ULK4: variants seen among roughly 807,000 people sequenced by gnomAD.
The protein encoded by ULK4 is inactive serine/threonine-protein kinase ULK4.
In ULK4, 133 loss-of-function variants were observed where a neutral mutation model predicts 160.6. The ratio of observed to expected loss-of-function variants is 0.83; its 90% CI spans 0.72 to 0.96. The LOEUF (loss-of-function observed/expected upper bound fraction) is 0.96, where lower values mean the gene tolerates loss of function less well. Ranked by LOEUF, ULK4 falls within the 40% of genes least tolerant of loss-of-function variation. The pLI is 0.00. For missense variants in ULK4, 1,580 were observed against 1,499.5 expected, an observed-to-expected ratio of 1.05 and a Z score of -0.89; for synonymous variants, 534 against 539.8, an observed-to-expected ratio of 0.99 and a Z score of 0.15.
At chr3:41,818,804 A>G (rs2041049698) in intron 19 of ULK4, among the ~76,000 whole-genome samples, 1 of 152,228 alleles carries the variant, frequency 6.6e-6, no homozygotes. Flanking sequence ...GATTTAACGC[A>G]AATGGAAAAT....
At chr3:41,323,371 C>A (rs2080281468) in intron 35 of ULK4, among the ~76,000 whole-genome samples, 1 of 146,136 alleles carries the variant, frequency 6.8e-6, no homozygotes, top group African/African-American at 2.6e-5. Flanking sequence ...AAATTAAATC[C>A]CGACCCCTTC....
intron 35 of ULK4, among the ~76,000 whole-genome samples, chr3:41,283,662 G>T (rs1209172578): frequency 1.3e-5 from 2 of 152,162 alleles, no homozygotes; most frequent in Non-Finnish European, 2.9e-5. Context: ...GGGGCTGGGG[G>T]AGGGATAGCA....
chr3:41,961,531 G>A (rs942507404), intron 1 of ULK4, among the ~76,000 whole-genome samples: 11 of 145,480 alleles, frequency 7.6e-5, no homozygotes, highest in East Asian at 4.0e-4. Flanking sequence ...ACAGACTCAG[G>A]GGCGCTACGT....
At chr3:41,598,577 GA>G (rs1038025483) in intron 31 of ULK4, among the ~76,000 whole-genome samples, 1 of 152,050 alleles carries the variant, frequency 6.6e-6, no homozygotes, top group African/African-American at 2.4e-5. Context: ...AACAGCATTA[GA>G]AAAAAATATC....
At position 41,822,328 on chromosome 3, in the gene ULK4, A is replaced by C. The variant is rs528113562; in HGVS notation, c.1765-2822T>G. On this transcript the variant is annotated intron_variant, in intron 18 of 36. Transcript: ENST00000301831. ...TTCTTAATAACGGCCGTAATCCATAATGAGGCAAATACATTTTCTTCCTTA... is the reference window on the plus strand; with the variant it reads ...TTCTTAATAACGGCCGTAATCCATACTGAGGCAAATACATTTTCTTCCTTA... Among the ~76,000 whole-genome samples the C allele has an allele frequency of 3.9e-5, 6 of 152,306 alleles. No homozygotes were observed. The South Asian group carries it at 1.2e-3, about 32-fold the overall frequency.
chr3:41,954,539 C>A (rs2148845881), intron 2 of ULK4, 83 bp downstream of exon 2: 1 of 1,479,616 alleles, frequency 6.8e-7, no homozygotes, highest in Non-Finnish European at 9.1e-7. Flanking sequence ...ATATCAAATT[C>A]AATGACTACT....
intron 15 of ULK4, 130 bp downstream of exon 15, chr3:41,896,691 AT>A: frequency 9.6e-7 from 1 of 1,041,570 alleles, no homozygotes; most frequent in Non-Finnish European, 1.3e-6. Context: ...GCAGAGGATA[AT>A]TTTCATAAAC....
intron 17 of ULK4, among the ~76,000 whole-genome samples, chr3:41,836,530 C>T (rs1373464002): frequency 6.6e-6 from 1 of 152,106 alleles, no homozygotes; most frequent in Non-Finnish European, 1.5e-5. Context: ...CAATTAATTG[C>T]TGCCCTATCT....
chr3:41,709,531 C>T (rs759536937), intron 25 of ULK4, among the ~76,000 whole-genome samples: 4 of 151,974 alleles, frequency 2.6e-5, no homozygotes, highest in Non-Finnish European at 4.4e-5. Flanking sequence ...GGACTACAGG[C>T]GCGCGCCACC....
At chr3:41,920,579 AC>A (rs1051322876) in intron 5 of ULK4, among the ~76,000 whole-genome samples, 9 of 152,154 alleles carry the variant, frequency 5.9e-5, no homozygotes, top group African/African-American at 2.2e-4. Flanking sequence ...GTTGCAGAGC[AC>A]CTGCCAAGAC....
At chr3:41,538,034 G>A (rs977825275) in intron 32 of ULK4, among the ~76,000 whole-genome samples, 3 of 151,666 alleles carry the variant, frequency 2.0e-5, no homozygotes, top group South Asian at 2.1e-4. Flanking sequence ...CTCATCTGCC[G>A]CCTCTTGGTC....
At chr3:41,369,002 G>A (rs1251850721) in intron 35 of ULK4, among the ~76,000 whole-genome samples, 3 of 152,018 alleles carry the variant, frequency 2.0e-5, no homozygotes, top group Non-Finnish European at 1.5e-5. Flanking sequence ...CTTAAAATCT[G>A]CCTAATACCT....
intron 32 of ULK4, among the ~76,000 whole-genome samples, chr3:41,519,564 T>C (rs534971283): frequency 1.3e-5 from 2 of 152,252 alleles, no homozygotes; most frequent in Admixed American, 1.3e-4. Flanking sequence ...CACAGTGTGG[T>C]AGGGAATTTG....
rs2148808468 is a variant in ULK4, at chr3:41,915,860, T to C, written c.803+117A>G. The C allele has an allele frequency of 5.8e-6, 4 of 686,078 alleles. No homozygotes were observed. The South Asian group carries it at 7.5e-5, about 13-fold the overall frequency. The allele number at this position is 686,078 out of a possible 1,614,324, so 42.5% of individuals were successfully genotyped here. On this transcript the variant is annotated intron_variant, in intron 8 of 36. Coordinates refer to ENST00000301831, the MANE Select transcript of ULK4 (RefSeq NM_017886.4). The stretch of plus-strand genomic sequence containing the variant: ...TTGTATATTAAGAACAGCACCATTT[T>C]AGAAGTACATAAAAGGGGGAAAAGA...
chr3:41,558,286 G>C (rs2087384656), intron 32 of ULK4, among the ~76,000 whole-genome samples: 1 of 152,034 alleles, frequency 6.6e-6, no homozygotes, highest in African/African-American at 2.4e-5. Context: ...CTGTGTAAAA[G>C]AATAAAGATC....
chr3:41,399,558 C>G (rs2082133196), intron 34 of ULK4, among the ~76,000 whole-genome samples: 1 of 151,838 alleles, frequency 6.6e-6, no homozygotes, highest in Non-Finnish European at 1.5e-5. Context: ...TGACAGATAT[C>G]TAAGAATGTT....
intron 2 of ULK4, among the ~76,000 whole-genome samples, chr3:41,946,827 T>C (rs965325894): frequency 1.3e-5 from 2 of 152,192 alleles, no homozygotes; most frequent in African/African-American, 2.4e-5. Flanking sequence ...TTCTGGATCC[T>C]GATAAGCCTA....
At chr3:41,941,755 C>CAAAAAAAA (rs565727539) in intron 2 of ULK4, among the ~76,000 whole-genome samples, 6,410 of 30,708 alleles carry the variant, frequency 0.21, 2,147 homozygotes, top group Non-Finnish European at 0.32. Context: ...GACTCTGTCT[C>CAAAAAAAA]AAAAAAAAAA....
At position 41,912,730 on chromosome 3, in the gene ULK4, A is replaced by C. The variant is rs909500387; in HGVS notation, c.896+77T>G. On this transcript the variant is annotated intron_variant, in intron 9 of 36. Coordinates refer to ENST00000301831, the MANE Select transcript of ULK4 (RefSeq NM_017886.4). ...GAAAGCAGAGAAATTCCAGTCATTGATGTTGTATATTTAGAACAGTAATGG... is the reference window on the plus strand; with the variant it reads ...GAAAGCAGAGAAATTCCAGTCATTGCTGTTGTATATTTAGAACAGTAATGG... 1.4e-5 allele frequency: 17 copies of C among 1,210,606 alleles called. No individual in the cohort carries two copies. The African/African-American group carries it at 2.6e-4, about 18-fold the overall frequency. The allele number at this position is 1,210,606 out of a possible 1,614,324, so 75.0% of individuals were successfully genotyped here. A position where few individuals can be genotyped will look rare whatever the true frequency, so the allele number is the denominator to read the frequency against.
Sources: gnomAD v4.1 joint callset for allele counts (sites outside exome capture counted in the v4.1 genomes callset) on GRCh38, gnomAD v4.1.1 for gene constraint, MANE v1.5 for transcripts, NCBI Gene and HGNC (gene_info 2026-07-23, HGNC 2026-07-21) for gene names.